DTNBP1: variants seen among roughly 807,000 people sequenced by gnomAD.
DTNBP1 encodes the protein dystrobrevin binding protein 1.
In DTNBP1, 35 loss-of-function variants were observed where a neutral mutation model predicts 42.8. The ratio of observed to expected loss-of-function variants is 0.82; its 90% CI spans 0.63 to 1.09. The LOEUF (loss-of-function observed/expected upper bound fraction) is 1.09. Among genes scored for constraint, DTNBP1 ranks in the 50% least tolerant of loss-of-function variants. The pLI is 0.00. For synonymous variants in DTNBP1, 171 were observed against 162.2 expected (o/e 1.05, Z -0.41); for missense variants, 457 against 424.2 (o/e 1.08, Z -0.68).
At chr6:15,532,909 G>A (rs952942185) in intron 8 of DTNBP1, among the ~76,000 whole-genome samples, 3 of 151,878 alleles carry the variant, frequency 2.0e-5, no homozygotes, top group South Asian at 2.1e-4. Flanking sequence ...ATGTTGGCCA[G>A]GTTGGTCTCA....
intron 9 of DTNBP1, 200 bp downstream of exon 9, chr6:15,524,326 G>C: frequency 6.2e-7 from 1 of 1,611,628 alleles, no homozygotes. Flanking sequence ...AAATCTTTGA[G>C]AAGAATTCAT....
intron 7 of DTNBP1, among the ~76,000 whole-genome samples, chr6:15,583,991 A>C (rs72837851): frequency 6.6e-6 from 1 of 152,334 alleles, no homozygotes; most frequent in African/African-American, 2.4e-5. Flanking sequence ...AACTTAAGAC[A>C]TGGTATTAGA....
intron 3 of DTNBP1, among the ~76,000 whole-genome samples, chr6:15,641,039 G>T (rs1240190939): frequency 6.6e-6 from 1 of 152,202 alleles, no homozygotes; most frequent in Non-Finnish European, 1.5e-5. Flanking sequence ...CAGACACAGA[G>T]GCAGCTACTG....
chr6:15,642,886 A>C (rs969353699), intron 3 of DTNBP1, among the ~76,000 whole-genome samples: 4 of 152,248 alleles, frequency 2.6e-5, no homozygotes, highest in African/African-American at 9.6e-5. Context: ...TCAATGCAAG[A>C]ACTCTGGCAG....
chr6:15,561,102 T>A (rs1774819058), intron 7 of DTNBP1, among the ~76,000 whole-genome samples: 1 of 152,168 alleles, frequency 6.6e-6, no homozygotes, highest in South Asian at 2.1e-4. Flanking sequence ...TTGTCTGTTG[T>A]TTTTGAGTTT....
intron 7 of DTNBP1, among the ~76,000 whole-genome samples, chr6:15,583,593 A>C (rs2743548): frequency 0.12 from 18,914 of 152,242 alleles, 1,468 homozygotes; most frequent in African/African-American, 0.22. Flanking sequence ...TAAGGCTGAC[A>C]GCTAAAATTT....
chr6:15,566,179 G>T (rs1176567316), intron 7 of DTNBP1, among the ~76,000 whole-genome samples: 3 of 151,360 alleles, frequency 2.0e-5, no homozygotes, highest in Non-Finnish European at 4.4e-5. Flanking sequence ...GCCGGGCGTA[G>T]TGGCGGGCGC....
chr6:15,662,273 A>C (rs1438586323), intron 1 of DTNBP1, among the ~76,000 whole-genome samples: 1 of 152,234 alleles, frequency 6.6e-6, no homozygotes. Flanking sequence ...AGGGGCGGCC[A>C]GCCTTGCCAA....
intron 3 of DTNBP1, among the ~76,000 whole-genome samples, chr6:15,644,934 G>A (rs1392419857): frequency 6.6e-6 from 1 of 151,278 alleles, no homozygotes; most frequent in Non-Finnish European, 1.5e-5. Flanking sequence ...GATCAGAGCA[G>A]AACTAAATGA....
intron 6 of DTNBP1, among the ~76,000 whole-genome samples, chr6:15,602,884 T>C (rs1272904221): frequency 6.6e-6 from 1 of 152,158 alleles, no homozygotes; most frequent in Non-Finnish European, 1.5e-5. Context: ...AGGAAAGAGA[T>C]AACGAAAAGA....
At chr6:15,636,426 C>T (rs1193840180) in intron 4 of DTNBP1, among the ~76,000 whole-genome samples, 1 of 152,154 alleles carries the variant, frequency 6.6e-6, no homozygotes, top group Non-Finnish European at 1.5e-5. Context: ...GCTGGGATTA[C>T]AGGTGTGAGC....
intron 7 of DTNBP1, among the ~76,000 whole-genome samples, chr6:15,558,657 C>T (rs1774662526): frequency 6.6e-6 from 1 of 152,182 alleles, no homozygotes; most frequent in South Asian, 2.1e-4. Flanking sequence ...TCTTGAAAAA[C>T]TAATGTATTC....
rs770898603 is a variant in DTNBP1, at chr6:15,662,893, C to A, written c.-24G>T. ...ATTGCCGCCGCCGCCGGTCTCCTCTCCTCAGGCCTCGGGCTGCTGCTGCCT... is the reference window on the plus strand; with the variant it reads ...ATTGCCGCCGCCGCCGGTCTCCTCTACTCAGGCCTCGGGCTGCTGCTGCCT... On this transcript the variant is annotated 5_prime_UTR_variant, in exon 1 of 10. Coordinates refer to ENST00000344537, the MANE Select transcript of DTNBP1 (RefSeq NM_032122.5). 43 of 1,602,770 alleles carry A rather than the reference C, an allele frequency of 2.7e-5. No homozygotes were observed. Among genetic ancestry groups the A allele is most frequent in the Non-Finnish European group, 3.2e-5 (38 of 1,179,298 alleles).
intron 4 of DTNBP1, among the ~76,000 whole-genome samples, chr6:15,636,097 C>T (rs1270432883): frequency 6.6e-6 from 1 of 151,050 alleles, no homozygotes; most frequent in Non-Finnish European, 1.5e-5. Flanking sequence ...TAGACAGTTT[C>T]ATCCATGGAG....
At chr6:15,549,525 G>A (rs1159605496) in intron 7 of DTNBP1, among the ~76,000 whole-genome samples, 8 of 139,406 alleles carry the variant, frequency 5.7e-5, no homozygotes, top group East Asian at 2.2e-4. Context: ...AAAGGGAACC[G>A]AAATATCGCA....
intron 1 of DTNBP1, among the ~76,000 whole-genome samples, chr6:15,656,388 T>C (rs1761282594): frequency 1.3e-5 from 2 of 152,116 alleles, no homozygotes; most frequent in South Asian, 4.1e-4. Context: ...CGTCATAAAG[T>C]TCAATAATTT....
At chr6:15,585,946 CA>C in intron 7 of DTNBP1, 1 of 1,358,114 alleles carries the variant, frequency 7.4e-7, no homozygotes, top group Non-Finnish European at 9.5e-7. Context: ...ATGGCTTAAG[CA>C]GATATACATT....
At chr6:15,636,305 C>G (rs575581226) in intron 4 of DTNBP1, among the ~76,000 whole-genome samples, 158 of 152,154 alleles carry the variant, frequency 1.0e-3, no homozygotes, top group African/African-American at 3.5e-3. Flanking sequence ...CATGAGCCAC[C>G]ACGCCCAGCT....
rs68011795 is a variant in DTNBP1, at chr6:15,581,478, G to GTTTTT, written c.511+11576_511+11580dup. Among the ~76,000 whole-genome samples, 11 of 90,370 alleles carry GTTTTT rather than the reference G, an allele frequency of 1.2e-4. 1 individual carries two copies. Among genetic ancestry groups the GTTTTT allele is most frequent in the Admixed American group, 1.5e-4 (1 of 6,734 alleles). 59.3% of individuals were successfully genotyped at this position (90,370 alleles called of 152,430 possible). ...CAGGCATGAGCCACCGCGCCCGACT[G>GTTTTT]TTTTTTTTTTTTTTTTTTTTGAGAT... On this transcript the variant is annotated intron_variant, in intron 7 of 9. Coordinates refer to ENST00000344537, the MANE Select transcript of DTNBP1 (RefSeq NM_032122.5).
Sources: allele counts gnomAD v4.1 joint callset (sites outside exome capture counted in the v4.1 genomes callset), GRCh38; gene constraint gnomAD v4.1.1; transcripts MANE v1.5; gene names NCBI Gene and HGNC (gene_info 2026-07-23, HGNC 2026-07-21).